The following HS6ST3 variants were observed in gnomAD, a reference collection of about 807,000 sequenced individuals.
HS6ST3 encodes heparan sulfate 6-O-sulfotransferase 3.
A neutral mutation model predicts 36.7 loss-of-function variants in HS6ST3; 12 were observed. The ratio of observed to expected loss-of-function variants is 0.33; its 90% CI spans 0.21 to 0.53. HS6ST3 has a LOEUF of 0.53. Ranked by LOEUF, HS6ST3 falls within the 20% of genes least tolerant of loss-of-function variation. HS6ST3 has a pLI of 0.95. For missense variants in HS6ST3, 584 were observed against 640.9 expected (o/e 0.91, Z 0.96); for synonymous variants, 240 against 257.5 (o/e 0.93, Z 0.65).
At chr13:96,603,891 C>T (rs969254712) in intron 1 of HS6ST3, among the ~76,000 whole-genome samples, 10 of 152,090 alleles carry the variant, frequency 6.6e-5, no homozygotes, top group African/African-American at 1.4e-4. Flanking sequence ...TACTTCAGAT[C>T]GGATCATGGT....
intron 1 of HS6ST3, among the ~76,000 whole-genome samples, chr13:96,108,903 G>C (rs2053854981): frequency 6.6e-6 from 1 of 152,034 alleles, no homozygotes; most frequent in Non-Finnish European, 1.5e-5. Context: ...GGACAGTAAG[G>C]AGGTCACAGG....
At chr13:96,702,292 T>C (rs1875309255) in intron 1 of HS6ST3, among the ~76,000 whole-genome samples, 1 of 152,046 alleles carries the variant, frequency 6.6e-6, no homozygotes, top group Admixed American at 6.6e-5. Flanking sequence ...CCAAAAGGAG[T>C]CTGCTTTTTC....
intron 1 of HS6ST3, among the ~76,000 whole-genome samples, chr13:96,660,115 C>T (rs1490902416): frequency 1.3e-5 from 2 of 151,898 alleles, no homozygotes; most frequent in African/African-American, 4.8e-5. Context: ...GTAGGAATAA[C>T]AAGACAATTA....
intron 1 of HS6ST3, among the ~76,000 whole-genome samples, chr13:96,377,818 A>C (rs2055322291): frequency 6.6e-6 from 1 of 152,210 alleles, no homozygotes; most frequent in Non-Finnish European, 1.5e-5. Flanking sequence ...CAGGTCGGGT[A>C]TATAAAATAA....
intron 1 of HS6ST3, among the ~76,000 whole-genome samples, chr13:96,216,466 C>T (rs1262307177): frequency 2.0e-5 from 3 of 152,102 alleles, no homozygotes; most frequent in African/African-American, 7.2e-5. Flanking sequence ...TGCTTACGTC[C>T]TTGTTAAAAA....
At chr13:96,202,427 C>A (rs878950) in intron 1 of HS6ST3, among the ~76,000 whole-genome samples, 54,448 of 152,056 alleles carry the variant, frequency 0.36, 10,938 homozygotes, top group Non-Finnish European at 0.46. Flanking sequence ...CCCCAATCAT[C>A]TATAACCATT....
At chr13:96,513,705 A>G (rs1357204450) in intron 1 of HS6ST3, among the ~76,000 whole-genome samples, 1 of 152,120 alleles carries the variant, frequency 6.6e-6, no homozygotes, top group Non-Finnish European at 1.5e-5. Flanking sequence ...AAATGGAGAT[A>G]CTTTCTGAGA....
At chr13:96,105,687 A>G (rs1025095927) in intron 1 of HS6ST3, among the ~76,000 whole-genome samples, 32 of 152,162 alleles carry the variant, frequency 2.1e-4, no homozygotes, top group Non-Finnish European at 4.0e-4. Context: ...ATGTTATAAA[A>G]CATTGAATGG....
chr13:96,142,436 T>G (rs2054036506), intron 1 of HS6ST3, among the ~76,000 whole-genome samples: 1 of 152,144 alleles, frequency 6.6e-6, no homozygotes, highest in Non-Finnish European at 1.5e-5. Context: ...TTAGTGAAGT[T>G]GAAATAAGAC....
intron 1 of HS6ST3, among the ~76,000 whole-genome samples, chr13:96,275,458 C>T (rs2139390750): frequency 1.3e-5 from 2 of 152,264 alleles, no homozygotes; most frequent in South Asian, 4.1e-4. Flanking sequence ...TTGAGTCATA[C>T]AGCAACCGGC....
chr13:96,713,194 G>C lies in HS6ST3; in HGVS notation c.708-119296G>C, dbSNP rs7321303. Among the ~76,000 whole-genome samples the C allele has an allele frequency of 9.1e-3, 1,382 of 152,234 alleles. 27 individuals are homozygous for C. The highest frequency in any genetic ancestry group is 0.032 in the African/African-American group (1,326 of 41,542). On this transcript the variant is annotated intron_variant, in intron 1 of 1. Coordinates refer to ENST00000376705, the MANE Select transcript of HS6ST3 (RefSeq NM_153456.4). ...AAGCATTTATAGCCATAAGTTTGTA[G>C]GACTGCTAGTTACAGGAGTTTTAAA...
intron 1 of HS6ST3, among the ~76,000 whole-genome samples, chr13:96,672,685 G>T (rs572093801): frequency 6.6e-6 from 1 of 152,120 alleles, no homozygotes; most frequent in Admixed American, 6.6e-5. Context: ...GGGCATGGGG[G>T]ATAACTGTTT....
intron 1 of HS6ST3, among the ~76,000 whole-genome samples, chr13:96,711,295 C>G (rs1459238542): frequency 6.6e-6 from 1 of 152,146 alleles, no homozygotes; most frequent in African/African-American, 2.4e-5. Flanking sequence ...GAACACCCAG[C>G]AGTCATAGAA....
chr13:96,783,472 A>C (rs1322184952), intron 1 of HS6ST3, among the ~76,000 whole-genome samples: 2 of 152,152 alleles, frequency 1.3e-5, no homozygotes, highest in African/African-American at 4.8e-5. Flanking sequence ...TTCATATTCA[A>C]AACAGTTTTT....
chr13:96,714,717 A>T (rs553459126), intron 1 of HS6ST3, among the ~76,000 whole-genome samples: 8 of 152,188 alleles, frequency 5.3e-5, no homozygotes, highest in East Asian at 1.9e-4. Flanking sequence ...ATTGTTTTTT[A>T]AAAAAGGGTC....
At chr13:96,698,625 G>C (rs549839426) in intron 1 of HS6ST3, among the ~76,000 whole-genome samples, 1 of 152,258 alleles carries the variant, frequency 6.6e-6, no homozygotes, top group East Asian at 1.9e-4. Context: ...ACAAATGGAA[G>C]AACATTCCAT....
intron 1 of HS6ST3, among the ~76,000 whole-genome samples, chr13:96,228,929 G>T (rs763619840): frequency 6.6e-6 from 1 of 152,164 alleles, no homozygotes; most frequent in East Asian, 1.9e-4. Context: ...AGGAATGTGC[G>T]TGTAGGCGTG....
intron 1 of HS6ST3, among the ~76,000 whole-genome samples, chr13:96,493,776 G>T (rs1000841839): frequency 1.3e-5 from 2 of 152,126 alleles, no homozygotes; most frequent in Admixed American, 6.6e-5. Context: ...AATAACACAT[G>T]CTGGAGATCA....
chr13:96,142,121 G>A (rs917698076), intron 1 of HS6ST3, among the ~76,000 whole-genome samples: 1 of 150,874 alleles, frequency 6.6e-6, no homozygotes, highest in South Asian at 2.1e-4. Flanking sequence ...CTAATCAAGG[G>A]TCAAATATAT....
Sources: allele counts gnomAD v4.1 joint callset (sites outside exome capture counted in the v4.1 genomes callset), GRCh38; gene constraint gnomAD v4.1.1; transcripts MANE v1.5; gene names NCBI Gene and HGNC (gene_info 2026-07-23, HGNC 2026-07-21).